Variants in SLC17A9 observed in about 807,000 individuals in gnomAD.
The protein encoded by SLC17A9 is solute carrier family 17 member 9.
In SLC17A9, 49 loss-of-function variants were observed where a neutral mutation model predicts 55.0. The observed-to-expected ratio is 0.89, with a 90% confidence interval of 0.71 to 1.13. SLC17A9 has a LOEUF of 1.13. Among genes scored for constraint, SLC17A9 ranks in the 50% most tolerant of loss-of-function variants. The pLI, the probability that SLC17A9 is intolerant of heterozygous loss-of-function variation, is 0.00. For missense variants in SLC17A9, 526 were observed against 569.3 expected (o/e 0.92, Z 0.77); for synonymous variants, 256 against 247.4 (o/e 1.03, Z -0.32).
Position 62,962,077 on chromosome 20 carries a change from G to T in SLC17A9, c.498-547G>T, listed in dbSNP as rs2065593708. On this transcript the variant is annotated intron_variant, in intron 4 of 12. Coordinates refer to ENST00000370351, the MANE Select transcript of SLC17A9 (RefSeq NM_022082.4). This position sits in a 1 kb window ranked among gnomAD's most constrained non-coding sequence, Gnocchi z 5.5. ...AGATGGGGGCTGGGCCGCCAGCCAGGTTGCACCCAGAAGGGAGCCTCTGAG... is the reference window on the plus strand; with the variant it reads ...AGATGGGGGCTGGGCCGCCAGCCAGTTTGCACCCAGAAGGGAGCCTCTGAG... Among the ~76,000 whole-genome samples the T allele has an allele frequency of 6.6e-6, 1 of 152,240 alleles. No homozygotes were observed. Among genetic ancestry groups the T allele is most frequent in the Admixed American group, 6.5e-5 (1 of 15,288 alleles).
chr20:62,954,868 G>C (rs1383438123), intron 1 of SLC17A9, among the ~76,000 whole-genome samples: 3 of 152,240 alleles, frequency 2.0e-5, no homozygotes, highest in African/African-American at 4.8e-5. Flanking sequence ...GGCCTCAATG[G>C]GGGTGAGGAT....
intron 12 of SLC17A9, 106 bp from the exon 13 acceptor site, chr20:62,967,231 C>T (rs1042541338): frequency 1.9e-5 from 26 of 1,364,086 alleles, no homozygotes; most frequent in Middle Eastern, 2.2e-4. Context: ...TCCTATCAGG[C>T]GCTAGACCCC....
intron 12 of SLC17A9, 33 bp downstream of exon 12, chr20:62,966,765 CCT>C: frequency 1.9e-6 from 3 of 1,598,048 alleles, no homozygotes; most frequent in Non-Finnish European, 2.6e-6. Flanking sequence ...CAGGAGTTCC[CCT>C]GTCTGTGGGG....
chr20:62,954,808 C>T (rs1221815027), intron 1 of SLC17A9, among the ~76,000 whole-genome samples: 4 of 152,228 alleles, frequency 2.6e-5, no homozygotes, highest in African/African-American at 9.6e-5. Context: ...TTCTTGACTT[C>T]CTCCTTCCAA....
intron 1 of SLC17A9, among the ~76,000 whole-genome samples, chr20:62,953,676 A>G (rs2065511256): frequency 1.3e-5 from 2 of 152,180 alleles, no homozygotes; most frequent in African/African-American, 4.8e-5. Flanking sequence ...TCCCCAGGGT[A>G]CCTACCCTGA....
At chr20:62,966,819 C>T in intron 12 of SLC17A9, 87 bp downstream of exon 12, 1 of 1,520,376 alleles carries the variant, frequency 6.6e-7, no homozygotes, top group Non-Finnish European at 8.9e-7. Context: ...TTGTGCCTCC[C>T]TTCAGAGGGG....
At chr20:62,965,862 T>C (rs59892036) in intron 10 of SLC17A9, 137 bp downstream of exon 10, 64,466 of 763,248 alleles carry the variant, frequency 0.084, 3,420 homozygotes, top group African/African-American at 0.2. Context: ...TGCTGGGCAG[T>C]GACTGCACTG....
chr20:62,957,655 G>A, intron 3 of SLC17A9, 75 bp downstream of exon 3: 1 of 1,303,928 alleles, frequency 7.7e-7, no homozygotes, highest in Non-Finnish European at 1.0e-6. Context: ...GCACGGATGT[G>A]TGTGCAGGTG....
At position 62,969,455 on chromosome 20, in the gene SLC17A9, G is replaced by C. The variant is rs1043480585; in HGVS notation, c.*1955G>C. ...TGTGGCTGCTCTGGGACCAGTGCCA[G>C]TGGGCGCACGCTGGGTTTGCCTACG... is the stretch of plus-strand genomic sequence containing the variant. On this transcript the variant is annotated 3_prime_UTR_variant, in exon 13 of 13. Coordinates refer to ENST00000370351, the MANE Select transcript of SLC17A9 (RefSeq NM_022082.4). 2 of 152,168 alleles carry C rather than the reference G, an allele frequency of 1.3e-5. No homozygotes were observed. The highest frequency in any genetic ancestry group is 4.8e-5 in the African/African-American group (2 of 41,446). 9.4% of individuals were successfully genotyped at this position (152,168 alleles called of 1,614,324 possible).
rs1237210115 is a variant in SLC17A9, at chr20:62,966,727, T to G, written c.1142T>G (p.Leu381Trp). 3 of 1,611,468 alleles carry G rather than the reference T, an allele frequency of 1.9e-6. No individual in the cohort carries two copies. Among genetic ancestry groups the G allele is most frequent in the Non-Finnish European group, 2.5e-6 (3 of 1,179,312 alleles). The change falls in exon 12 of 13, where the codon TTG becomes TGG. Residue 381 changes from leucine (L) to tryptophan (W), a missense_variant. Leu to Trp is a moderately conservative substitution (Grantham distance 61). Coordinates refer to ENST00000370351, the MANE Select transcript of SLC17A9 (RefSeq NM_022082.4). ...LFGVANTAGALAGVVGVCLGG... is the reference protein window; with the variant it reads ...LFGVANTAGAWAGVVGVCLGG... The stretch of plus-strand genomic sequence containing the variant: ...GGTGTGGCCAACACAGCCGGGGCCT[T>G]GGCAGGTGAGGGGCGGGCCTCTGTG...
In SLC17A9 at chr20:62,967,467, G is replaced by A; in HGVS notation, c.1278G>A (p.Arg426=). 1 of 1,614,114 alleles carries A rather than the reference G, an allele frequency of 6.2e-7. No homozygotes were observed. Among genetic ancestry groups the A allele is most frequent in the Non-Finnish European group, 8.5e-7 (1 of 1,179,996 alleles). ...CTFLVFGQAQ[R]VDLSSTHEDL is the part of the protein sequence containing the mutation. Reference sequence around the variant, plus strand: ...TCCTGGTGTTTGGACAGGCTCAGAGGGTGGACCTGAGCTCTACCCATGAGG... The same window carrying A: ...TCCTGGTGTTTGGACAGGCTCAGAGAGTGGACCTGAGCTCTACCCATGAGG... The change falls in exon 13 of 13, where the codon AGG becomes AGA. Residue 426 remains arginine (R), a synonymous_variant. Transcript: ENST00000370351.
At chr20:62,960,997 C>T (rs903975605) in intron 4 of SLC17A9, among the ~76,000 whole-genome samples, 1 of 151,958 alleles carries the variant, frequency 6.6e-6, no homozygotes, top group African/African-American at 2.4e-5. Context: ...CCAGGGTGGG[C>T]CTATCAGCTG....
At position 62,960,537 on chromosome 20, in the gene SLC17A9, C is replaced by T. The variant is rs765469608; in HGVS notation, c.431C>T (p.Ser144Leu). The T allele has an allele frequency of 3.1e-6, 5 of 1,613,624 alleles. No individual in the cohort carries two copies. The highest frequency in any genetic ancestry group is 4.2e-6 in the Non-Finnish European group (5 of 1,179,992). Residue 144 changes from serine (S) to leucine (L), a missense_variant, in exon 4 of 13, where the codon TCG becomes TTG. Transcript: ENST00000370351. Reference sequence around the variant, plus strand: ...TTCCCTGCCCTGACCAGCCTGCTGTCGCAGAAGGTGCGGGAGAGTGAGCGA... The same window carrying T: ...TTCCCTGCCCTGACCAGCCTGCTGTTGCAGAAGGTGCGGGAGAGTGAGCGA... ...VYFPALTSLL[S>L]QKVRESERAF...
At position 62,957,800 on chromosome 20, in the gene SLC17A9, C is replaced by T. The variant is rs1467104786; in HGVS notation, c.397+220C>T. On this transcript the variant is annotated intron_variant, in intron 3 of 12. Coordinates refer to ENST00000370351, the MANE Select transcript of SLC17A9 (RefSeq NM_022082.4). ...GCATGCGTGCACCTGTGTGTGTGTG[C>T]GTGTGCAAGTGTGTGTGTATGGGCA... is the stretch of plus-strand genomic sequence containing the variant. 4.6e-5 allele frequency among the ~76,000 whole-genome samples: 5 copies of T among 108,208 alleles called. No individual in the cohort carries two copies. The East Asian group carries it at 1.1e-3, about 25-fold the overall frequency. The allele number at this position is 108,208 out of a possible 152,430, so 71.0% of individuals were successfully genotyped here.
At chr20:62,953,071 C>T (rs1421968351) in intron 1 of SLC17A9, 182 bp downstream of exon 1, 1 of 1,246,052 alleles carries the variant, frequency 8.0e-7, no homozygotes, top group Non-Finnish European at 1.1e-6. Context: ...CCCTGTCCTT[C>T]CTCCCTGCCA....
At chr20:62,966,470 G>A (rs1197487520) in intron 10 of SLC17A9, 55 bp from the exon 11 acceptor site, 2 of 1,588,732 alleles carry the variant, frequency 1.3e-6, no homozygotes, top group African/African-American at 2.7e-5. Flanking sequence ...GACAACCCTG[G>A]GCCACCAGCT....
chr20:62,953,454 C>A (rs2147640821), intron 1 of SLC17A9, among the ~76,000 whole-genome samples: 1 of 152,348 alleles, frequency 6.6e-6, no homozygotes, highest in South Asian at 2.1e-4. Context: ...GTAGGAGGCT[C>A]CCTGGGCAGG....
chr20:62,955,473 T>G (rs577502414), intron 1 of SLC17A9, among the ~76,000 whole-genome samples: 5 of 151,994 alleles, frequency 3.3e-5, no homozygotes, highest in Admixed American at 2.6e-4. Flanking sequence ...TTTTTTTTTG[T>G]TTTGTTTTGT....
At chr20:62,953,306 G>A (rs754341057) in intron 1 of SLC17A9, 24 of 1,538,666 alleles carry the variant, frequency 1.6e-5, no homozygotes, top group South Asian at 8.3e-5. Context: ...GCAGCTGGAC[G>A]GGGTTGGGGG....
Sources: gnomAD v4.1 joint callset for allele counts (sites outside exome capture counted in the v4.1 genomes callset) on GRCh38, gnomAD v4.1.1 for gene constraint, Gnocchi (gnomAD v3.1) non-coding constraint, MANE v1.5 for transcripts, NCBI Gene and HGNC (gene_info 2026-07-23, HGNC 2026-07-21) for gene names.